Variants in IGF1R observed in about 807,000 individuals in gnomAD.
The protein encoded by IGF1R is insulin-like growth factor 1 receptor.
A neutral mutation model predicts 144.6 loss-of-function variants in IGF1R; 44 were observed. The ratio of observed to expected loss-of-function variants is 0.30; its 90% confidence interval spans 0.24 to 0.39. IGF1R has a LOEUF of 0.39. Among genes scored for constraint, IGF1R ranks in the 10% least tolerant of loss-of-function variants. The pLI is 1.00. For missense variants in IGF1R, 1,355 were observed against 1,833.7 expected (o/e 0.74, Z 4.77); for synonymous variants, 795 against 722.8 (o/e 1.10, Z -1.60).
At position 98,935,568 on chromosome 15, in the gene IGF1R, G is replaced by A; in HGVS notation, c.3297+142G>A. ...TTTCTTACTGCATGCTCAGTTGTAG[G>A]TCATTTATGCAAAGGATTTCCCCAA... On this transcript the variant is annotated intron_variant, in intron 17 of 20. Coordinates refer to ENST00000650285, the MANE Select transcript of IGF1R (RefSeq NM_000875.5). This position sits in a 1 kb window ranked among gnomAD's most constrained non-coding sequence, Gnocchi z 4.2. 1 of 713,692 alleles carries A rather than the reference G, an allele frequency of 1.4e-6. No homozygotes were observed. The highest frequency in any genetic ancestry group is 2.6e-6 in the Non-Finnish European group (1 of 387,224). 44.2% of individuals were successfully genotyped at this position (713,692 alleles called of 1,614,324 possible).
At chr15:98,664,194 T>G (rs1297425442) in intron 1 of IGF1R, among the ~76,000 whole-genome samples, 1 of 152,130 alleles carries the variant, frequency 6.6e-6, no homozygotes, top group Non-Finnish European at 1.5e-5. Context: ...TTTCAGACGG[T>G]CTCCGCTTTT....
chr15:98,897,923 A>ATT (rs5814911), intron 4 of IGF1R, among the ~76,000 whole-genome samples: 32,104 of 146,292 alleles, frequency 0.22, 3,750 homozygotes, highest in East Asian at 0.4. Flanking sequence ...TTTATGAAGA[A>ATT]TTTTTTTTTT....
At chr15:98,745,618 AT>A (rs1389147361) in intron 2 of IGF1R, among the ~76,000 whole-genome samples, 1 of 152,262 alleles carries the variant, frequency 6.6e-6, no homozygotes, top group Non-Finnish European at 1.5e-5. Flanking sequence ...TGAAAAAAAA[AT>A]CTTTGAGGAA....
At chr15:98,835,816 G>T (rs560828516) in intron 2 of IGF1R, among the ~76,000 whole-genome samples, 1 of 152,150 alleles carries the variant, frequency 6.6e-6, no homozygotes, top group Non-Finnish European at 1.5e-5. Flanking sequence ...TTTTGTTAGG[G>T]CTGCATTTTC....
chr15:98,715,943 T>G (rs1425176762), intron 2 of IGF1R, among the ~76,000 whole-genome samples: 1 of 152,154 alleles, frequency 6.6e-6, no homozygotes, highest in African/African-American at 2.4e-5. Context: ...AAAACCAAAG[T>G]GCACAGATGA....
chr15:98,684,657 T>A (rs937790050), intron 1 of IGF1R, among the ~76,000 whole-genome samples: 4 of 152,184 alleles, frequency 2.6e-5, no homozygotes, highest in Admixed American at 2.0e-4. Flanking sequence ...CTTTCCTTCC[T>A]TTTTAAATGG....
intron 2 of IGF1R, among the ~76,000 whole-genome samples, chr15:98,851,362 C>T (rs2011520535): frequency 6.6e-6 from 1 of 152,196 alleles, no homozygotes; most frequent in African/African-American, 2.4e-5. Context: ...CTTTTGTTTA[C>T]GTTTTCAGCT....
At chr15:98,820,202 CATATAT>C (rs3076066) in intron 2 of IGF1R, among the ~76,000 whole-genome samples, 5,398 of 149,474 alleles carry the variant, frequency 0.036, 335 homozygotes, top group African/African-American at 0.12. Context: ...ATGCTATTTT[CATATAT>C]ATATATATAT....
At chr15:98,762,755 A>G (rs976673268) in intron 2 of IGF1R, among the ~76,000 whole-genome samples, 11 of 151,954 alleles carry the variant, frequency 7.2e-5, no homozygotes, top group African/African-American at 2.7e-4. Flanking sequence ...AACAAAAACA[A>G]AAACAAAACA....
chr15:98,857,602 C>T (rs2011900094), intron 2 of IGF1R, among the ~76,000 whole-genome samples: 1 of 152,218 alleles, frequency 6.6e-6, no homozygotes, highest in South Asian at 2.1e-4. Flanking sequence ...TGGAAGTTTC[C>T]ACCATGATGG....
At chr15:98,869,837 A>G (rs1424653516) in intron 2 of IGF1R, among the ~76,000 whole-genome samples, 1 of 152,186 alleles carries the variant, frequency 6.6e-6, no homozygotes, top group Non-Finnish European at 1.5e-5. Context: ...TTGCTTTTGG[A>G]AAGTTTGCCT....
At chr15:98,740,041 C>T (rs2054702916) in intron 2 of IGF1R, among the ~76,000 whole-genome samples, 3 of 152,142 alleles carry the variant, frequency 2.0e-5, no homozygotes, top group Admixed American at 6.5e-5. Context: ...TGCGTGTTGA[C>T]GACTGCTCAC....
At chr15:98,774,980 G>A (rs1332308682) in intron 2 of IGF1R, among the ~76,000 whole-genome samples, 1 of 152,198 alleles carries the variant, frequency 6.6e-6, no homozygotes, top group African/African-American at 2.4e-5. Flanking sequence ...CCTGGAACCA[G>A]ACTCCTTCTC....
chr15:98,712,340 C>G (rs1596220999), intron 2 of IGF1R, among the ~76,000 whole-genome samples: 1 of 152,148 alleles, frequency 6.6e-6, no homozygotes, highest in East Asian at 1.9e-4. Flanking sequence ...GATGGTCTTC[C>G]CTGTTTCCTC....
At chr15:98,721,169 A>G (rs1175902221) in intron 2 of IGF1R, among the ~76,000 whole-genome samples, 2 of 152,134 alleles carry the variant, frequency 1.3e-5, no homozygotes, top group East Asian at 1.9e-4. Context: ...TTGATCTTCC[A>G]TGAAGCCCCC....
At chr15:98,812,647 C>T (rs908305433) in intron 2 of IGF1R, among the ~76,000 whole-genome samples, 4 of 152,148 alleles carry the variant, frequency 2.6e-5, no homozygotes, top group African/African-American at 7.2e-5. Context: ...CGTGAACCAC[C>T]GTGCCCGGCC....
intron 2 of IGF1R, among the ~76,000 whole-genome samples, chr15:98,876,210 G>A (rs543466915): frequency 2.0e-5 from 3 of 152,032 alleles, no homozygotes; most frequent in Admixed American, 6.6e-5. Context: ...GCATTTACAG[G>A]TGAAATTCAC....
chr15:98,747,784 T>C (rs563067833), intron 2 of IGF1R, among the ~76,000 whole-genome samples: 2 of 152,210 alleles, frequency 1.3e-5, no homozygotes. Context: ...TAGAGAGAGA[T>C]GATACTATGA....
chr15:98,841,188 T>C (rs1046454524), intron 2 of IGF1R, among the ~76,000 whole-genome samples: 4 of 152,144 alleles, frequency 2.6e-5, no homozygotes, highest in African/African-American at 7.2e-5. Context: ...CTGTGGTTGA[T>C]AGAAATCAGT....
Sources: gnomAD v4.1 joint callset for allele counts (sites outside exome capture counted in the v4.1 genomes callset) on GRCh38, gnomAD v4.1.1 for gene constraint, Gnocchi (gnomAD v3.1) non-coding constraint, MANE v1.5 for transcripts, NCBI Gene and HGNC (gene_info 2026-07-23, HGNC 2026-07-21) for gene names.